MDGA2: variants seen among roughly 807,000 people sequenced by gnomAD.
MDGA2 encodes the protein MAM domain containing glycosylphosphatidylinositol anchor 2.
In MDGA2, 40 loss-of-function variants were observed where a neutral mutation model predicts 117.8. The observed-to-expected ratio is 0.34, with a 90% CI of 0.26 to 0.44. The LOEUF is 0.44. Ranked by LOEUF, MDGA2 falls within the 20% of genes least tolerant of loss-of-function variation. MDGA2 has a pLI of 1.00. For missense variants in MDGA2, 1,123 were observed against 1,250.6 expected, an observed-to-expected ratio of 0.90 and a Z score of 1.54; for synonymous variants, 452 against 439.0, an observed-to-expected ratio of 1.03 and a Z score of -0.37.
intron 1 of MDGA2, among the ~76,000 whole-genome samples, chr14:47,451,928 T>C (rs532993844): frequency 6.6e-6 from 1 of 152,242 alleles, no homozygotes; most frequent in East Asian, 1.9e-4. Flanking sequence ...AAAGTATATC[T>C]TGTACTGGTT....
intron 6 of MDGA2, among the ~76,000 whole-genome samples, chr14:47,078,073 G>T (rs1000340894): frequency 8.6e-5 from 13 of 151,938 alleles, no homozygotes; most frequent in Non-Finnish European, 1.3e-4. Flanking sequence ...AATATGATAG[G>T]ATATGTCAAT....
At position 47,213,583 on chromosome 14, in the gene MDGA2, C is replaced by T. The variant is rs142110820; in HGVS notation, c.595+4438G>A. ...TCTGCTAGATAAATACTCTAATTTT[C>T]TTATCTTCTTACGTAGTATCTACTT... is the stretch of plus-strand genomic sequence containing the variant. On this transcript the variant is annotated intron_variant, in intron 3 of 16. Transcript: ENST00000399232. Among the ~76,000 whole-genome samples the T allele has an allele frequency of 8.5e-3, 1,280 of 151,070 alleles. 20 individuals are homozygous for T. Among genetic ancestry groups the T allele is most frequent in the African/African-American group, 0.03 (1,224 of 41,112 alleles).
chr14:47,387,380 A>C (rs1365535944), intron 1 of MDGA2, among the ~76,000 whole-genome samples: 1 of 151,800 alleles, frequency 6.6e-6, no homozygotes, highest in Non-Finnish European at 1.5e-5. Context: ...GGTGGAGACT[A>C]AAGTTGTTAT....
At chr14:47,406,124 CAT>C (rs1270027564) in intron 1 of MDGA2, among the ~76,000 whole-genome samples, 4 of 152,018 alleles carry the variant, frequency 2.6e-5, no homozygotes, top group Non-Finnish European at 5.9e-5. Flanking sequence ...TAAGAATTAA[CAT>C]ATGTAAAAGG....
chr14:47,538,904 G>A (rs954787819), intron 1 of MDGA2, among the ~76,000 whole-genome samples: 1 of 152,028 alleles, frequency 6.6e-6, no homozygotes, highest in Non-Finnish European at 1.5e-5. Context: ...ATATCTCAGG[G>A]GTAACGGAGT....
intron 1 of MDGA2, among the ~76,000 whole-genome samples, chr14:47,505,307 T>C (rs564926228): frequency 6.6e-6 from 1 of 152,264 alleles, no homozygotes; most frequent in Admixed American, 6.5e-5. Context: ...ATGACTAAGA[T>C]TAGCAGTAAA....
intron 3 of MDGA2, among the ~76,000 whole-genome samples, chr14:47,169,380 T>C (rs912138683): frequency 6.6e-6 from 1 of 151,698 alleles, no homozygotes; most frequent in African/African-American, 2.4e-5. Context: ...TACCTTTTCA[T>C]ATATATATGT....
chr14:46,908,111 C>T (rs3007114), intron 10 of MDGA2, among the ~76,000 whole-genome samples: 152,108 of 152,306 alleles, frequency 1, 75,955 homozygotes, highest in Middle Eastern at 1. Context: ...TCCTTAAAAT[C>T]ACAATTTCTG....
At chr14:47,055,550 T>C (rs1053753462) in intron 7 of MDGA2, among the ~76,000 whole-genome samples, 2 of 152,130 alleles carry the variant, frequency 1.3e-5, no homozygotes, top group Non-Finnish European at 2.9e-5. Context: ...AGATTTTACC[T>C]CAATCTTATA....
chr14:46,888,928 A>G (rs1485657950), intron 10 of MDGA2, among the ~76,000 whole-genome samples: 2 of 152,008 alleles, frequency 1.3e-5, no homozygotes, highest in Non-Finnish European at 2.9e-5. Context: ...AACCATACTG[A>G]TAGTAAAAAT....
At chr14:47,598,567 C>G (rs1326706389) in intron 1 of MDGA2, among the ~76,000 whole-genome samples, 1 of 151,986 alleles carries the variant, frequency 6.6e-6, no homozygotes, top group Non-Finnish European at 1.5e-5. Context: ...ATAATTCAGA[C>G]ACAAAAGTAC....
At chr14:47,537,573 TTAAAAAAAAAAAAA>T (rs1209119988) in intron 1 of MDGA2, among the ~76,000 whole-genome samples, 6 of 57,106 alleles carry the variant, frequency 1.1e-4, no homozygotes, top group Non-Finnish European at 1.7e-4. Flanking sequence ...CTTCTCTCTG[TTAAAAAAAAAAAAA>T]AAAAAAAAAA....
In MDGA2 at chr14:47,622,321, G is replaced by T. The variant is rs1488596449; in HGVS notation, c.280+52196C>A. Among the ~76,000 whole-genome samples, 3 of 152,188 alleles carry T rather than the reference G, an allele frequency of 2.0e-5. No homozygotes were observed. In the East Asian group the frequency reaches 5.8e-4, roughly 29 times the overall value. ...AACACTTAACTATGAGTCAGACACA[G>T]TGATAGGCATTAAGGAGACAACTGT... On this transcript the variant is annotated intron_variant, in intron 1 of 16. Coordinates refer to ENST00000399232, the MANE Select transcript of MDGA2 (RefSeq NM_001113498.3).
chr14:47,300,482 CT>C (rs56229432), intron 2 of MDGA2, among the ~76,000 whole-genome samples: 106 of 147,648 alleles, frequency 7.2e-4, no homozygotes, highest in South Asian at 2.2e-3. Context: ...ATTTTTTATT[CT>C]TTTTTTTTTG....
intron 1 of MDGA2, among the ~76,000 whole-genome samples, chr14:47,664,010 G>C (rs1897897205): frequency 6.6e-6 from 1 of 151,998 alleles, no homozygotes; most frequent in South Asian, 2.1e-4. Context: ...TAACCATAAG[G>C]TTTAGGATAC....
chr14:47,296,892 A>G (rs1889092994), intron 2 of MDGA2, among the ~76,000 whole-genome samples: 1 of 152,220 alleles, frequency 6.6e-6, no homozygotes, highest in South Asian at 2.1e-4. Flanking sequence ...GTGCACCCAT[A>G]CAAAGAACTA....
intron 7 of MDGA2, among the ~76,000 whole-genome samples, chr14:47,042,572 T>C (rs1444832601): frequency 2.0e-5 from 3 of 152,134 alleles, no homozygotes; most frequent in Non-Finnish European, 4.4e-5. Flanking sequence ...CATTTACAGA[T>C]TGGCTTCATA....
intron 7 of MDGA2, chr14:47,059,228 G>A: frequency 3.1e-6 from 3 of 962,250 alleles, no homozygotes; most frequent in Non-Finnish European, 4.3e-6. Flanking sequence ...CGGCTATTGA[G>A]ATTATAGCAA....
chr14:46,897,627 TA>T (rs1350616831), intron 10 of MDGA2, among the ~76,000 whole-genome samples: 4 of 72,166 alleles, frequency 5.5e-5, no homozygotes, highest in African/African-American at 1.5e-4. Flanking sequence ...TTAATATATA[TA>T]AAGCACTTAA....
Sources: gnomAD v4.1 joint callset for allele counts (sites outside exome capture counted in the v4.1 genomes callset) on GRCh38, gnomAD v4.1.1 for gene constraint, MANE v1.5 for transcripts, NCBI Gene and HGNC (gene_info 2026-07-23, HGNC 2026-07-21) for gene names.